Variants in HS3ST4 observed in about 807,000 individuals in gnomAD.
HS3ST4 encodes the protein heparan sulfate-glucosamine 3-sulfotransferase 4.
HS3ST4 carries 17 observed loss-of-function variants against 29.2 expected under a neutral mutation model. The observed-to-expected ratio is 0.58, with a 90% CI of 0.40 to 0.87. HS3ST4 has a LOEUF of 0.87. Ranked by LOEUF, HS3ST4 falls within the 40% of genes least tolerant of loss-of-function variation. HS3ST4 has a pLI of 0.00. For synonymous variants in HS3ST4, 314 were observed against 285.7 expected (o/e 1.10, Z -1.00); for missense variants, 627 against 634.5 (o/e 0.99, Z 0.13).
At chr16:25,735,943 A>G (rs181442957) in intron 1 of HS3ST4, among the ~76,000 whole-genome samples, 21 of 152,282 alleles carry the variant, frequency 1.4e-4, no homozygotes, top group African/African-American at 4.6e-4. Flanking sequence ...AATTACCAGA[A>G]GACAGAAGAA....
At chr16:26,110,492 T>C (rs1899114714) in intron 1 of HS3ST4, among the ~76,000 whole-genome samples, 2 of 152,230 alleles carry the variant, frequency 1.3e-5, no homozygotes, top group South Asian at 4.1e-4. Context: ...ATTCTTCCAG[T>C]TTCTCAGGCC....
At chr16:25,808,057 A>G (rs763168070) in intron 1 of HS3ST4, among the ~76,000 whole-genome samples, 4 of 151,992 alleles carry the variant, frequency 2.6e-5, no homozygotes, top group Non-Finnish European at 2.9e-5. Flanking sequence ...ATTTGTAGAT[A>G]TTTTCTTCTA....
chr16:25,890,443 G>A, intron 1 of HS3ST4, among the ~76,000 whole-genome samples: 1 of 152,172 alleles, frequency 6.6e-6, no homozygotes, highest in East Asian at 1.9e-4. Flanking sequence ...GCCAGTGCAT[G>A]TCATCTTAGC....
At chr16:26,066,024 G>C (rs551804136) in intron 1 of HS3ST4, among the ~76,000 whole-genome samples, 1 of 152,340 alleles carries the variant, frequency 6.6e-6, no homozygotes, top group East Asian at 1.9e-4. Context: ...TTACTCAAAA[G>C]AGGTGGACAT....
At chr16:25,718,516 G>GAA (rs1966473094) in intron 1 of HS3ST4, among the ~76,000 whole-genome samples, 2 of 151,132 alleles carry the variant, frequency 1.3e-5, no homozygotes, top group Admixed American at 1.3e-4. Flanking sequence ...GAGAGAGAGA[G>GAA]AGAAAGAAAG....
chr16:25,730,890 A>C (rs374116061), intron 1 of HS3ST4, among the ~76,000 whole-genome samples: 23 of 152,266 alleles, frequency 1.5e-4, no homozygotes, highest in African/African-American at 5.5e-4. Flanking sequence ...GGACTCACAG[A>C]ACGCAGAAAA....
At chr16:25,906,089 G>C (rs1056238312) in intron 1 of HS3ST4, among the ~76,000 whole-genome samples, 2 of 152,180 alleles carry the variant, frequency 1.3e-5, no homozygotes, top group Non-Finnish European at 2.9e-5. Flanking sequence ...GTTTCGTTGA[G>C]ATAAGGTGAG....
chr16:25,794,619 C>T (rs1281715467), intron 1 of HS3ST4, among the ~76,000 whole-genome samples: 1 of 152,006 alleles, frequency 6.6e-6, no homozygotes, highest in African/African-American at 2.4e-5. Flanking sequence ...GCTCCTTTGA[C>T]AGTTAATCTT....
chr16:25,961,898 G>C (rs575290412), intron 1 of HS3ST4, among the ~76,000 whole-genome samples: 1 of 152,174 alleles, frequency 6.6e-6, no homozygotes, highest in African/African-American at 2.4e-5. Context: ...TTATACTACT[G>C]TCTAGCTCCC....
In HS3ST4 at chr16:25,815,130, A is replaced by T. The variant is rs150576462; in HGVS notation, c.734+121979A>T. On this transcript the variant is annotated intron_variant, in intron 1 of 1. Coordinates refer to ENST00000331351, the MANE Select transcript of HS3ST4 (RefSeq NM_006040.3). ...GCTTAGTCTGTTTCACTGCTTTGGA[A>T]TAGGAAATGGCAAACAAGAAAGTTT... is the stretch of plus-strand genomic sequence containing the variant. Among the ~76,000 whole-genome samples, 559 of 152,320 alleles carry T rather than the reference A, an allele frequency of 3.7e-3. 2 individuals carry two copies. Among genetic ancestry groups the T allele is most frequent in the Non-Finnish European group, 6.2e-3 (424 of 68,032 alleles).
At chr16:26,119,004 G>T (rs1899236082) in intron 1 of HS3ST4, among the ~76,000 whole-genome samples, 1 of 152,104 alleles carries the variant, frequency 6.6e-6, no homozygotes, top group Non-Finnish European at 1.5e-5. Flanking sequence ...ATGTATATTG[G>T]CTTACTCAAT....
intron 1 of HS3ST4, among the ~76,000 whole-genome samples, chr16:26,120,774 G>A (rs8050249): frequency 0.7 from 106,367 of 152,192 alleles, 38,582 homozygotes; most frequent in African/African-American, 0.91. Flanking sequence ...TGCTGACCAG[G>A]TTTCTTGGAT....
chr16:25,861,434 C>T (rs559554805), intron 1 of HS3ST4, among the ~76,000 whole-genome samples: 2 of 152,278 alleles, frequency 1.3e-5, no homozygotes, highest in South Asian at 4.1e-4. Flanking sequence ...AAATGAATAT[C>T]CTGACCAGTA....
intron 1 of HS3ST4, among the ~76,000 whole-genome samples, chr16:25,864,651 C>A (rs2141656428): frequency 6.6e-6 from 1 of 152,146 alleles, no homozygotes; most frequent in South Asian, 2.1e-4. Context: ...AAGTATTTGT[C>A]TTTCTGTGCC....
intron 1 of HS3ST4, among the ~76,000 whole-genome samples, chr16:26,006,981 A>G (rs1312260371): frequency 6.6e-6 from 1 of 152,242 alleles, no homozygotes; most frequent in African/African-American, 2.4e-5. Context: ...GGTTAAAGGC[A>G]CGATGAGGGT....
intron 1 of HS3ST4, among the ~76,000 whole-genome samples, chr16:25,862,689 A>G (rs971139789): frequency 3.3e-5 from 5 of 152,228 alleles, no homozygotes; most frequent in African/African-American, 1.2e-4. Context: ...TTTAGTACTT[A>G]CAGACATTTG....
chr16:25,998,450 G>C (rs1969176137), intron 1 of HS3ST4, among the ~76,000 whole-genome samples: 1 of 152,184 alleles, frequency 6.6e-6, no homozygotes. Flanking sequence ...TATTGAGTTA[G>C]TCGTTGAATA....
At chr16:26,013,962 C>T (rs531872100) in intron 1 of HS3ST4, among the ~76,000 whole-genome samples, 351 of 151,598 alleles carry the variant, frequency 2.3e-3, no homozygotes, top group Non-Finnish European at 4.4e-3. Flanking sequence ...AAGCTGAGAT[C>T]GCGCCACCGC....
intron 1 of HS3ST4, among the ~76,000 whole-genome samples, chr16:26,123,733 C>T (rs1899306374): frequency 6.6e-6 from 1 of 152,126 alleles, no homozygotes; most frequent in Admixed American, 6.5e-5. Context: ...ACCTTCATAG[C>T]TTAGCTCCCA....
Sources: gnomAD v4.1 joint callset for allele counts (sites outside exome capture counted in the v4.1 genomes callset) on GRCh38, gnomAD v4.1.1 for gene constraint, MANE v1.5 for transcripts, NCBI Gene and HGNC (gene_info 2026-07-23, HGNC 2026-07-21) for gene names.